The following CENPU variants were observed in gnomAD, a reference collection of about 807,000 sequenced individuals.
CENPU encodes the protein KSHV latent nuclear antigen interacting protein 1.
CENPU carries 46 observed loss-of-function variants against 56.7 expected under a neutral mutation model. That is an observed-to-expected ratio of 0.81 (90% confidence interval 0.64 to 1.04). CENPU has a LOEUF of 1.04. Ranked by LOEUF, CENPU falls within the 50% of genes least tolerant of loss-of-function variation. CENPU has a pLI of 0.00. For synonymous variants in CENPU, 166 were observed against 163.0 expected (o/e 1.02, Z -0.14); for missense variants, 510 against 490.1 (o/e 1.04, Z -0.38).
chr4:184,713,075 T>C, intron 6 of CENPU, 62 bp from the exon 7 acceptor site: 1 of 1,063,608 alleles, frequency 9.4e-7, no homozygotes, highest in Non-Finnish European at 1.4e-6. Flanking sequence ...AACATTAGGA[T>C]TAAGACTGTC....
At chr4:184,733,228 T>C (rs1761717596) in intron 1 of CENPU, 2 of 735,348 alleles carry the variant, frequency 2.7e-6, no homozygotes, top group Non-Finnish European at 3.3e-6. Context: ...AGAAGTCTGG[T>C]CTCGGTTTCC....
intron 1 of CENPU, 78 bp from the exon 2 acceptor site, chr4:184,731,046 C>T (rs986387036): frequency 3.9e-6 from 4 of 1,033,328 alleles, no homozygotes; most frequent in South Asian, 1.7e-5. Context: ...TGACCCTTTC[C>T]GCGCATTTTT....
Position 184,700,935 on chromosome 4 carries a change from C to A in CENPU, c.925-54G>T, listed in dbSNP as rs531848893. 47 of 1,397,000 alleles carry A rather than the reference C, an allele frequency of 3.4e-5. 1 individual carries two copies. The highest frequency in any genetic ancestry group is 1.7e-5 in the Admixed American group (1 of 59,024). 86.5% of individuals were successfully genotyped at this position (1,397,000 alleles called of 1,614,324 possible). ...TTAATTTGTAACTGTTTGAGCACTG[C>A]CACATAAGCTGCCAGGTAATGAAGT... On this transcript the variant is annotated intron_variant, in intron 10 of 12. Transcript: ENST00000281453.
intron 7 of CENPU, among the ~76,000 whole-genome samples, chr4:184,712,602 C>T (rs1011894302): frequency 6.6e-6 from 1 of 152,146 alleles, no homozygotes; most frequent in African/African-American, 2.4e-5. Flanking sequence ...AGAGGAAGTA[C>T]TCATGTCTAC....
intron 11 of CENPU, among the ~76,000 whole-genome samples, chr4:184,700,235 T>C (rs1398355522): frequency 1.3e-5 from 2 of 152,200 alleles, no homozygotes; most frequent in Non-Finnish European, 2.9e-5. Flanking sequence ...TAAGTTCACC[T>C]GGCCCACACT....
chr4:184,717,912 T>A (rs1055797871), intron 4 of CENPU, among the ~76,000 whole-genome samples: 1 of 152,152 alleles, frequency 6.6e-6, no homozygotes, highest in Non-Finnish European at 1.5e-5. Flanking sequence ...ATGGAAAAGT[T>A]AATGTAAAAG....
intron 4 of CENPU, among the ~76,000 whole-genome samples, chr4:184,724,272 A>G (rs957379918): frequency 8.5e-5 from 13 of 152,118 alleles, no homozygotes; most frequent in African/African-American, 3.1e-4. Context: ...TCTCAAAAAA[A>G]CAAACAAACA....
In CENPU at chr4:184,695,407, G is replaced by C; in HGVS notation, c.1144-6C>G. 1 of 1,592,182 alleles carries C rather than the reference G, an allele frequency of 6.3e-7. No homozygotes were observed. Among genetic ancestry groups the C allele is most frequent in the Non-Finnish European group, 8.6e-7 (1 of 1,160,738 alleles). Reference sequence around the variant, plus strand: ...GGAAGGCTGGATGAATCATACTGTTGAAAGAAAATTATATAATTAGCAATA... The same window carrying C: ...GGAAGGCTGGATGAATCATACTGTTCAAAGAAAATTATATAATTAGCAATA... On this transcript the variant is annotated splice_region_variant and splice_polypyrimidine_tract_variant and intron_variant, in intron 12 of 12. Coordinates refer to ENST00000281453, the MANE Select transcript of CENPU (RefSeq NM_024629.4).
Position 184,694,307 on chromosome 4 carries a change from T to C in CENPU, c.*981A>G. On this transcript the variant is annotated 3_prime_UTR_variant, in exon 13 of 13. Transcript: ENST00000281453. ...ACAGAACTGTAGGTAATTTCAAATTTGGAGTTTCAAGTGTGTCTGAGCTTC... is the reference window on the plus strand; with the variant it reads ...ACAGAACTGTAGGTAATTTCAAATTCGGAGTTTCAAGTGTGTCTGAGCTTC... The C allele has an allele frequency of 2.3e-6, 3 of 1,326,062 alleles. No homozygotes were observed. The highest frequency in any genetic ancestry group is 1.9e-6 in the Non-Finnish European group (2 of 1,036,356). The allele number at this position is 1,326,062 out of a possible 1,614,324, so 82.1% of individuals were successfully genotyped here.
Position 184,710,167 on chromosome 4 carries a change from A to G in CENPU, c.702T>C (p.Ile234=). Residue 234 remains isoleucine, a synonymous_variant, in exon 8 of 13, where the codon ATT becomes ATC. Coordinates refer to ENST00000281453, the MANE Select transcript of CENPU (RefSeq NM_024629.4). ...SKAIGSDTSD[I]VHIWCPEGMK... ...TTCCTTCTGGACACCAAATGTGCAC[A>G]ATGTCAGAAGTATCTAAAATATTAA... 6.2e-7 allele frequency: 1 copy of G among 1,603,556 alleles called. No homozygotes were observed.
Position 184,725,048 on chromosome 4 carries a change from TA to T in CENPU, c.228del (p.His76GlnfsTer46). 1 of 1,606,838 alleles carries T rather than the reference TA, an allele frequency of 6.2e-7. No homozygotes were observed. On this transcript the variant is annotated frameshift_variant, in exon 4 of 13. Coordinates refer to ENST00000281453, the MANE Select transcript of CENPU (RefSeq NM_024629.4). LOFTEE classifies it high-confidence loss of function. ...TCTTCATCAGCATATATAGCTGTGC[TA>T]TGTAAAGGAGGATCTTTCAAAAGAC... is the stretch of plus-strand genomic sequence containing the variant. ...ETYETFDPPL[H>X]STAIYADEEE...
chr4:184,733,873 A>C (rs965581316), intron 1 of CENPU, 143 bp downstream of exon 1: 302 of 1,095,350 alleles, frequency 2.8e-4, no homozygotes, highest in Non-Finnish European at 3.7e-4. Context: ...ACTGAGGAGG[A>C]AGCCGGGGAC....
In CENPU at chr4:184,695,318, ATGGT is replaced by A. The variant is rs1365730413; in HGVS notation, c.1223_1226del (p.Asn408IlefsTer3). On this transcript the variant is annotated frameshift_variant, in exon 13 of 13. Transcript: ENST00000281453. LOFTEE classifies it high-confidence loss of function. The stretch of plus-strand genomic sequence containing the variant: ...CCTGGTCAAGGAGCTTCTCTAACTG[ATGGT>A]TGATATTTCGCAGATGGCTTTCGGC... 1 of 1,613,400 alleles carries A rather than the reference ATGGT, an allele frequency of 6.2e-7. No homozygotes were observed. Among genetic ancestry groups the A allele is most frequent in the Non-Finnish European group, 8.5e-7 (1 of 1,179,406 alleles).
At chr4:184,714,783 G>A (rs1405001570) in intron 6 of CENPU, among the ~76,000 whole-genome samples, 1 of 152,170 alleles carries the variant, frequency 6.6e-6, no homozygotes, top group Non-Finnish European at 1.5e-5. Flanking sequence ...TATGGTAGAT[G>A]TAAACCTCAC....
At chr4:184,699,137 C>G (rs375184158) in intron 11 of CENPU, among the ~76,000 whole-genome samples, 2 of 151,866 alleles carry the variant, frequency 1.3e-5, no homozygotes, top group African/African-American at 2.4e-5. Flanking sequence ...AGCATCCTGA[C>G]TAACATGGTG....
intron 8 of CENPU, among the ~76,000 whole-genome samples, chr4:184,704,817 C>A (rs577260328): frequency 6.6e-6 from 1 of 152,224 alleles, no homozygotes; most frequent in Non-Finnish European, 1.5e-5. Context: ...ACAAAGCTAC[C>A]GTTTCCTAAG....
At chr4:184,710,030 G>A (rs1760869214) in intron 8 of CENPU, 42 bp downstream of exon 8, 1 of 1,152,518 alleles carries the variant, frequency 8.7e-7, no homozygotes, top group South Asian at 1.6e-5. Context: ...TGCTTCAGGG[G>A]AAATTTATTA....
intron 12 of CENPU, among the ~76,000 whole-genome samples, chr4:184,695,945 C>T (rs533102443): frequency 3.3e-5 from 5 of 152,272 alleles, no homozygotes; most frequent in South Asian, 4.1e-4. Context: ...TCCAAATGTT[C>T]TTAATGATTC....
intron 4 of CENPU, among the ~76,000 whole-genome samples, chr4:184,717,855 A>G (rs1372843981): frequency 6.6e-6 from 1 of 152,236 alleles, no homozygotes; most frequent in African/African-American, 2.4e-5. Context: ...GACAGGTAAA[A>G]AAACCTTTTT....
Sources: allele counts gnomAD v4.1 joint callset (sites outside exome capture counted in the v4.1 genomes callset), GRCh38; gene constraint gnomAD v4.1.1; transcripts MANE v1.5; gene names NCBI Gene and HGNC (gene_info 2026-07-23, HGNC 2026-07-21).